The following RXRA variants were observed in gnomAD, a reference collection of about 807,000 sequenced individuals.
The protein encoded by RXRA is retinoid X receptor alpha.
In RXRA, 5 loss-of-function variants were observed where a neutral mutation model predicts 44.5. That is an observed-to-expected ratio of 0.11 (90% CI 0.06 to 0.24). The LOEUF is 0.24. Ranked by LOEUF, RXRA falls within the 10% of genes least tolerant of loss-of-function variation. The probability of loss-of-function intolerance (pLI) is 1.00; values close to 1 mark genes in which losing one functional copy is unlikely to be tolerated. For missense variants in RXRA, 412 were observed against 646.5 expected (o/e 0.64, Z 3.93); for synonymous variants, 291 against 271.4 (o/e 1.07, Z -0.71).
chr9:134,328,903 C>T (rs1834957352), intron 1 of RXRA, among the ~76,000 whole-genome samples: 1 of 152,204 alleles, frequency 6.6e-6, no homozygotes, highest in Non-Finnish European at 1.5e-5. Context: ...CACCGAGCCG[C>T]TCAGTGAGGG....
chr9:134,409,751 G>A (rs1831117676), intron 4 of RXRA, among the ~76,000 whole-genome samples: 1 of 152,198 alleles, frequency 6.6e-6, no homozygotes, highest in Non-Finnish European at 1.5e-5. Context: ...GGCGATTCCT[G>A]GCCTCTTAGT....
In RXRA at chr9:134,426,900, G is replaced by A. The variant is rs999784898; in HGVS notation, c.911-2208G>A. 11 of 985,232 alleles carry A rather than the reference G, an allele frequency of 1.1e-5. No individual in the cohort carries two copies. The African/African-American group carries it at 1.7e-4, about 16-fold the overall frequency. 61.0% of individuals were successfully genotyped at this position (985,232 alleles called of 1,614,324 possible). On this transcript the variant is annotated intron_variant, in intron 6 of 9. Coordinates refer to ENST00000481739, the MANE Select transcript of RXRA (RefSeq NM_002957.6). This position sits in a 1 kb window ranked among gnomAD's most constrained non-coding sequence, Gnocchi z 4.6. The stretch of plus-strand genomic sequence containing the variant: ...TCTGTCCACACTGGGCCTGGTGTGG[G>A]AAGGGAGGGAGAGCCCTTTCCTAGG...
rs1227268815 is a variant in RXRA, at chr9:134,417,016, G to T, written c.611-142G>T. On this transcript the variant is annotated intron_variant, in intron 4 of 9. Transcript: ENST00000481739. This position sits in a 1 kb window ranked among gnomAD's most constrained non-coding sequence, Gnocchi z 6.1. ...AGGCCAGGCCTGGGGCAGAGATGGG[G>T]TCTCCATCACCCAGTGCTGGTGGGG... The T allele has an allele frequency of 2.4e-6, 2 of 816,440 alleles. No individual in the cohort carries two copies. The highest frequency in any genetic ancestry group is 3.6e-4 in the Middle Eastern group (1 of 2,740). 50.6% of individuals were successfully genotyped at this position (816,440 alleles called of 1,614,324 possible).
At position 134,407,548 on chromosome 9, in the gene RXRA, G is replaced by A. The variant is rs1158635704; in HGVS notation, c.280-601G>A. 1.3e-5 allele frequency among the ~76,000 whole-genome samples: 2 copies of A among 152,062 alleles called. No individual in the cohort carries two copies. Among genetic ancestry groups the A allele is most frequent in the Non-Finnish European group, 2.9e-5 (2 of 67,998 alleles). ...CGTGCGGGCCGGCGGGTGGGGCGGAGGGGTGTGCAGAGAGGCCAGTGGTGT... is the reference window on the plus strand; with the variant it reads ...CGTGCGGGCCGGCGGGTGGGGCGGAAGGGTGTGCAGAGAGGCCAGTGGTGT... On this transcript the variant is annotated intron_variant, in intron 2 of 9. Transcript: ENST00000481739. The surrounding 1 kb of genome is among the most constrained non-coding windows in gnomAD (Gnocchi z 4.8).
At chr9:134,383,106 C>G (rs2119106286) in intron 1 of RXRA, among the ~76,000 whole-genome samples, 1 of 152,236 alleles carries the variant, frequency 6.6e-6, no homozygotes, top group African/African-American at 2.4e-5. Flanking sequence ...CAGGGTGGGC[C>G]CATCTAAGCC....
chr9:134,409,898 G>A (rs1831120627), intron 4 of RXRA, among the ~76,000 whole-genome samples: 2 of 152,048 alleles, frequency 1.3e-5, no homozygotes, highest in African/African-American at 2.4e-5. Context: ...CTGTCCCCCC[G>A]CTCTGCAGGA....
intron 5 of RXRA, among the ~76,000 whole-genome samples, chr9:134,419,201 G>A (rs367973718): frequency 6.6e-6 from 1 of 152,256 alleles, no homozygotes; most frequent in Non-Finnish European, 1.5e-5. Context: ...CTCGCGGAGG[G>A]CAGGGGAGGG....
chr9:134,371,670 G>C (rs1456769144), intron 1 of RXRA, among the ~76,000 whole-genome samples: 1 of 152,240 alleles, frequency 6.6e-6, no homozygotes, highest in Non-Finnish European at 1.5e-5. Context: ...CCTGTGGCCT[G>C]GCCCTTGGGG....
intron 1 of RXRA, among the ~76,000 whole-genome samples, chr9:134,388,286 T>TGTGTGTGTGTGTGTGTGTGTGTGTGTGA (rs71381810): frequency 4.0e-4 from 60 of 150,998 alleles, no homozygotes; most frequent in African/African-American, 1.3e-3. Flanking sequence ...AGAAGCAGTG[T>TGTGTGTGTGTGTGTGTGTGTGTGTGTGA]GTGTGTGAGT....
chr9:134,336,253 C>T (rs1394551505), intron 1 of RXRA, among the ~76,000 whole-genome samples: 2 of 152,202 alleles, frequency 1.3e-5, no homozygotes, highest in Non-Finnish European at 2.9e-5. Context: ...CCCTCAGTCT[C>T]CTGGGCACAA....
At chr9:134,376,435 A>G (rs1830558455) in intron 1 of RXRA, among the ~76,000 whole-genome samples, 1 of 152,118 alleles carries the variant, frequency 6.6e-6, no homozygotes, top group Admixed American at 6.5e-5. Context: ...CAGTGGCCCA[A>G]CCACAGCCCC....
chr9:134,356,923 T>A (rs1192133378), intron 1 of RXRA, among the ~76,000 whole-genome samples: 5 of 152,130 alleles, frequency 3.3e-5, no homozygotes, highest in Non-Finnish European at 7.4e-5. Flanking sequence ...CCTGCCTGTC[T>A]CCCAGCCTCA....
intron 1 of RXRA, among the ~76,000 whole-genome samples, chr9:134,331,421 G>A (rs1835003854): frequency 6.6e-6 from 1 of 152,218 alleles, no homozygotes; most frequent in Non-Finnish European, 1.5e-5. Flanking sequence ...TTGGGTGTGT[G>A]CACGCTCACT....
At chr9:134,373,232 AGACCAGCCTTTGGTGCT>A in intron 1 of RXRA, among the ~76,000 whole-genome samples, 1 of 152,170 alleles carries the variant, frequency 6.6e-6, no homozygotes, top group East Asian at 1.9e-4. Flanking sequence ...CGGGTCCCAG[AGACCAGCCTTTGGTGCT>A]GTTCTTGGGC....
In RXRA at chr9:134,437,288, C is replaced by T. The variant is rs1225327341; in HGVS notation, c.*674C>T. 1 of 153,136 alleles carries T rather than the reference C, an allele frequency of 6.5e-6. No individual in the cohort carries two copies. The highest frequency in any genetic ancestry group is 2.4e-5 in the African/African-American group (1 of 41,444). 9.5% of individuals were successfully genotyped at this position (153,136 alleles called of 1,614,324 possible). ...CGAGCCAATGAGAACATGAGCTGCC[C>T]TCTGTGCAAGGTTTCGGGGCCACCT... On this transcript the variant is annotated 3_prime_UTR_variant, in exon 10 of 10. Coordinates refer to ENST00000481739, the MANE Select transcript of RXRA (RefSeq NM_002957.6).
chr9:134,399,236 G>T (rs1042300157), intron 1 of RXRA, among the ~76,000 whole-genome samples: 12 of 152,230 alleles, frequency 7.9e-5, no homozygotes, highest in African/African-American at 1.2e-4. Flanking sequence ...TCCCCGCAGT[G>T]CCCTGGTGGG....
At position 134,366,458 on chromosome 9, in the gene RXRA, G is replaced by A. The variant is rs1012342615; in HGVS notation, c.29-35174G>A. Among the ~76,000 whole-genome samples the A allele has an allele frequency of 1.3e-5, 2 of 152,210 alleles. No homozygotes were observed. The highest frequency in any genetic ancestry group is 4.8e-5 in the African/African-American group (2 of 41,444). The stretch of plus-strand genomic sequence containing the variant: ...CGCATCTGCAACTCATTACACAGCG[G>A]TGTCGGTGGCAGAGTGGCCTGGCCA... On this transcript the variant is annotated intron_variant, in intron 1 of 9. Transcript: ENST00000481739. This position sits in a 1 kb window ranked among gnomAD's most constrained non-coding sequence, Gnocchi z 5.9.
chr9:134,330,789 C>G (rs150449239), intron 1 of RXRA, among the ~76,000 whole-genome samples: 1 of 152,244 alleles, frequency 6.6e-6, no homozygotes, highest in South Asian at 2.1e-4. Context: ...GCCTGGTCTG[C>G]TCTTTGGCCT....
At chr9:134,410,379 G>A (rs1229468488) in intron 4 of RXRA, among the ~76,000 whole-genome samples, 1 of 152,232 alleles carries the variant, frequency 6.6e-6, no homozygotes, top group African/African-American at 2.4e-5. Flanking sequence ...GACGGTTCAA[G>A]CCTTGCGCAG....
Sources: allele counts gnomAD v4.1 joint callset (sites outside exome capture counted in the v4.1 genomes callset), GRCh38; gene constraint gnomAD v4.1.1; non-coding constraint Gnocchi (gnomAD v3.1); transcripts MANE v1.5; gene names NCBI Gene and HGNC (gene_info 2026-07-23, HGNC 2026-07-21).